The following DKK3 variants were observed in gnomAD, a reference collection of about 807,000 sequenced individuals.
DKK3 encodes the protein dickkopf Wnt signaling pathway inhibitor 3, also known as dickkopf-related protein 3.
DKK3 carries 22 observed loss-of-function variants against 33.2 expected under a neutral mutation model. That is an observed-to-expected ratio of 0.66 (90% CI 0.47 to 0.95). The LOEUF (loss-of-function observed/expected upper bound fraction) is 0.95, where lower values mean the gene tolerates loss of function less well. DKK3 is among the 40% of genes least tolerant of loss of function. The probability of loss-of-function intolerance (pLI) is 0.00; values close to 1 mark genes in which losing one functional copy is unlikely to be tolerated. For missense variants in DKK3, 398 were observed against 458.4 expected, an observed-to-expected ratio of 0.87 and a Z score of 1.20; for synonymous variants, 194 against 188.8, an observed-to-expected ratio of 1.03 and a Z score of -0.23.
At chr11:12,004,438 C>G (rs930303339) in intron 1 of DKK3, among the ~76,000 whole-genome samples, 1 of 152,256 alleles carries the variant, frequency 6.6e-6, no homozygotes, top group South Asian at 2.1e-4. Flanking sequence ...TGGGTAGGGA[C>G]CTTCTAGGTG....
At chr11:11,988,949 T>G (rs988666) in intron 3 of DKK3, among the ~76,000 whole-genome samples, 1 of 151,886 alleles carries the variant, frequency 6.6e-6, no homozygotes, top group African/African-American at 2.4e-5. Flanking sequence ...GGAAACAGAG[T>G]TGGGGAACGC....
At chr11:12,004,191 T>C (rs994539987) in intron 1 of DKK3, among the ~76,000 whole-genome samples, 2 of 152,208 alleles carry the variant, frequency 1.3e-5, no homozygotes, top group Non-Finnish European at 2.9e-5. Flanking sequence ...GATCCCTTCA[T>C]GGACCCGCTG....
chr11:11,995,834 G>A (rs188632196), intron 3 of DKK3, among the ~76,000 whole-genome samples: 1 of 152,336 alleles, frequency 6.6e-6, no homozygotes, highest in Admixed American at 6.5e-5. Flanking sequence ...ATCAGCCGAT[G>A]TGCTCAGGTG....
At chr11:11,983,530 A>G (rs1280482791) in intron 3 of DKK3, among the ~76,000 whole-genome samples, 1 of 152,190 alleles carries the variant, frequency 6.6e-6, no homozygotes, top group Non-Finnish European at 1.5e-5. Context: ...TCTCCACTGG[A>G]TGTCATGTCT....
intron 3 of DKK3, among the ~76,000 whole-genome samples, chr11:11,978,402 C>CTCTTCCTCTTCT (rs1564911955): frequency 2.7e-5 from 4 of 148,784 alleles, no homozygotes; most frequent in Non-Finnish European, 5.9e-5. Context: ...CTTCTTCTTC[C>CTCTTCCTCTTCT]TCTTCCTCTT....
intron 3 of DKK3, among the ~76,000 whole-genome samples, chr11:11,978,414 T>TCTTCCTCTTCTTCTTCC (rs1847881386): frequency 6.6e-6 from 1 of 151,138 alleles, no homozygotes; most frequent in Non-Finnish European, 1.5e-5. Flanking sequence ...CTTCCTCTTC[T>TCTTCCTCTTCTTCTTCC]TCTTCCTCTT....
At chr11:12,005,308 CT>C (rs1347113673) in intron 1 of DKK3, among the ~76,000 whole-genome samples, 87 of 152,328 alleles carry the variant, frequency 5.7e-4, no homozygotes, top group African/African-American at 1.9e-3. Flanking sequence ...TCAACCGCAA[CT>C]ATTATTGCCA....
At chr11:11,964,909 C>T (rs1346967861) in intron 6 of DKK3, among the ~76,000 whole-genome samples, 5 of 152,176 alleles carry the variant, frequency 3.3e-5, no homozygotes, top group Admixed American at 3.3e-4. Context: ...GCTTCCCCTC[C>T]TCCAGCGCAG....
chr11:11,995,948 T>C (rs144009307), intron 3 of DKK3, among the ~76,000 whole-genome samples: 1 of 152,376 alleles, frequency 6.6e-6, no homozygotes, highest in African/African-American at 2.4e-5. Flanking sequence ...CATATAGTGT[T>C]ACTCTCTGTA....
intron 3 of DKK3, among the ~76,000 whole-genome samples, chr11:11,993,278 C>G (rs115892053): frequency 0.014 from 2,154 of 152,100 alleles, 41 homozygotes; most frequent in South Asian, 0.046. Context: ...ATATGTCTTA[C>G]CAGGATTTTT....
intron 3 of DKK3, among the ~76,000 whole-genome samples, chr11:11,997,175 G>A (rs1848314905): frequency 6.6e-6 from 1 of 152,238 alleles, no homozygotes; most frequent in African/African-American, 2.4e-5. Flanking sequence ...CACAGGCACG[G>A]CTGCTGCCCT....
intron 3 of DKK3, among the ~76,000 whole-genome samples, chr11:11,981,653 G>A (rs191250234): frequency 1.1e-3 from 164 of 152,258 alleles, no homozygotes; most frequent in Non-Finnish European, 2.0e-3. Context: ...CTAACCAGAA[G>A]CATAATCATG....
At chr11:11,965,664 T>G (rs1847571154) in intron 6 of DKK3, 145 bp downstream of exon 6, 1 of 1,038,572 alleles carries the variant, frequency 9.6e-7, no homozygotes, top group African/African-American at 1.6e-5. Flanking sequence ...GACCCTTCCA[T>G]CTGCATGACC....
At chr11:12,000,619 C>G (rs867206315) in intron 2 of DKK3, among the ~76,000 whole-genome samples, 2 of 151,940 alleles carry the variant, frequency 1.3e-5, no homozygotes, top group Admixed American at 6.6e-5. Flanking sequence ...ATTCTCCTAC[C>G]TCAGTTTCCC....
At chr11:11,972,890 G>A (rs1008067768) in intron 3 of DKK3, among the ~76,000 whole-genome samples, 3 of 150,852 alleles carry the variant, frequency 2.0e-5, no homozygotes, top group Non-Finnish European at 4.4e-5. Context: ...GCTTTTTAAA[G>A]GGGCCTCAGC....
chr11:12,000,707 T>C (rs1590553369), intron 2 of DKK3, among the ~76,000 whole-genome samples: 1 of 139,050 alleles, frequency 7.2e-6, no homozygotes, highest in Non-Finnish European at 1.6e-5. Context: ...TTATTAGAAG[T>C]GGGGTTTCAC....
chr11:12,008,248 G>A lies in DKK3; in HGVS notation c.213+122C>T. ...TCCAGGTCACTCCGCATCTGCTGTC[G>A]GCCCTTCCCAGGCCCTGCGCGGGAC... is the stretch of plus-strand genomic sequence containing the variant. On this transcript the variant is annotated intron_variant, in intron 1 of 6. Transcript: ENST00000683431. The surrounding 1 kb of genome is among the most constrained non-coding windows in gnomAD (Gnocchi z 4.6). 5 of 1,291,648 alleles carry A rather than the reference G, an allele frequency of 3.9e-6. No homozygotes were observed. The South Asian group carries it at 6.1e-5, about 16-fold the overall frequency. 80.0% of individuals were successfully genotyped at this position (1,291,648 alleles called of 1,614,324 possible). A position where few individuals can be genotyped will look rare whatever the true frequency, so the allele number is the denominator to read the frequency against.
chr11:12,006,275 T>C (rs1490698040), intron 1 of DKK3, among the ~76,000 whole-genome samples: 1 of 152,204 alleles, frequency 6.6e-6, no homozygotes, highest in African/African-American at 2.4e-5. Context: ...ACAAAGATCA[T>C]GGATCTTGGG....
At chr11:12,004,460 A>G (rs1848497022) in intron 1 of DKK3, among the ~76,000 whole-genome samples, 1 of 152,196 alleles carries the variant, frequency 6.6e-6, no homozygotes, top group African/African-American at 2.4e-5. Context: ...GAAAGACTCT[A>G]AGTAAGTCTA....
Sources: allele counts gnomAD v4.1 joint callset (sites outside exome capture counted in the v4.1 genomes callset), GRCh38; gene constraint gnomAD v4.1.1; non-coding constraint Gnocchi (gnomAD v3.1); transcripts MANE v1.5; gene names NCBI Gene and HGNC (gene_info 2026-07-23, HGNC 2026-07-21).